The following ARK2N variants were observed in gnomAD, a reference collection of about 807,000 sequenced individuals.
The protein encoded by ARK2N is arkadia (RNF111) N-terminal like PKA signaling regulator 2N.
chr18:46,192,301 A>C, the ARK2N span, among the ~76,000 whole-genome samples: 1 of 151,986 alleles, frequency 6.6e-6, no homozygotes, highest in African/African-American at 2.4e-5. Context: ...TGGCTGGGTG[A>C]GGTGGCTCAC....
chr18:46,215,927 C>G, the ARK2N span: 1 of 1,614,062 alleles, frequency 6.2e-7, no homozygotes, highest in Non-Finnish European at 8.5e-7. Flanking sequence ...CTCATTGAGT[C>G]CGAAGCCCCA....
chr18:46,257,515 A>G, the ARK2N span, among the ~76,000 whole-genome samples: 1 of 152,134 alleles, frequency 6.6e-6, no homozygotes, highest in Admixed American at 6.5e-5. Context: ...ACTCCTGGTT[A>G]CCTAAATGTT....
At chr18:46,252,319 G>A in the ARK2N span, among the ~76,000 whole-genome samples, 1 of 151,858 alleles carries the variant, frequency 6.6e-6, no homozygotes, top group Non-Finnish European at 1.5e-5. Flanking sequence ...CTGTCGCCTG[G>A]CTCCTGGAGT....
the ARK2N span, among the ~76,000 whole-genome samples, chr18:46,210,401 A>G: frequency 2.0e-5 from 3 of 152,210 alleles, no homozygotes; most frequent in African/African-American, 7.2e-5. Context: ...CAATAGTAGT[A>G]CTATTTACTG....
the ARK2N span, chr18:46,228,783 C>A: frequency 5.0e-6 from 2 of 398,432 alleles, no homozygotes; most frequent in African/African-American, 4.1e-5. Flanking sequence ...GTTGTTCAGG[C>A]TGGCCTCAGA....
the ARK2N span, among the ~76,000 whole-genome samples, chr18:46,225,525 C>G: frequency 6.6e-4 from 101 of 152,230 alleles, no homozygotes; most frequent in African/African-American, 2.1e-3. Context: ...ATGGCGCGAT[C>G]TCGGCCCACT....
the ARK2N span, among the ~76,000 whole-genome samples, chr18:46,234,103 T>C: frequency 1.3e-5 from 2 of 152,336 alleles, no homozygotes; most frequent in South Asian, 4.1e-4. Flanking sequence ...CTTTTCAAAT[T>C]ATTCTGCATG....
At chr18:46,213,251 C>T in the ARK2N span, among the ~76,000 whole-genome samples, 2 of 151,900 alleles carry the variant, frequency 1.3e-5, no homozygotes, top group South Asian at 2.1e-4. Context: ...CCACCTGCCT[C>T]GGCCTCCCAA....
At chr18:46,186,102 C>G in the ARK2N span, among the ~76,000 whole-genome samples, 8 of 151,986 alleles carry the variant, frequency 5.3e-5, no homozygotes, top group Non-Finnish European at 1.5e-5. Flanking sequence ...GGCAAACTTT[C>G]ACAAAGAGCT....
At chr18:46,194,664 C>G in the ARK2N span, among the ~76,000 whole-genome samples, 2 of 147,584 alleles carry the variant, frequency 1.4e-5, no homozygotes, top group African/African-American at 5.0e-5. Context: ...TTAGTAGAGA[C>G]GGGGTTCCAC....
the ARK2N span, among the ~76,000 whole-genome samples, chr18:46,222,233 T>A: frequency 6.6e-6 from 1 of 152,210 alleles, no homozygotes; most frequent in African/African-American, 2.4e-5. Flanking sequence ...ATGTTAAGTT[T>A]CCTGTATCTG....
At chr18:46,194,561 CT>C in the ARK2N span, among the ~76,000 whole-genome samples, 1 of 151,802 alleles carries the variant, frequency 6.6e-6, no homozygotes, top group East Asian at 1.9e-4. Flanking sequence ...CAGCCTCCGC[CT>C]CCTGGGTTCA....
the ARK2N span, among the ~76,000 whole-genome samples, chr18:46,229,370 C>CA: frequency 1.3e-5 from 2 of 152,114 alleles, no homozygotes; most frequent in Admixed American, 1.3e-4. Context: ...TTTTTTGAGA[C>CA]AGAGTCTCGC....
chr18:46,229,101 G>A, the ARK2N span, among the ~76,000 whole-genome samples: 1 of 151,968 alleles, frequency 6.6e-6, no homozygotes, highest in Non-Finnish European at 1.5e-5. Flanking sequence ...CTGTGGTTTG[G>A]AGAGTTTAAC....
chr18:46,221,285 C>T, the ARK2N span, among the ~76,000 whole-genome samples: 1 of 151,834 alleles, frequency 6.6e-6, no homozygotes, highest in Non-Finnish European at 1.5e-5. Context: ...GTGTCTCATG[C>T]CTGTAATCCC....
chr18:46,215,907 A>G, the ARK2N span: 1 of 1,612,252 alleles, frequency 6.2e-7, no homozygotes. Context: ...CAGTGGGAAA[A>G]GTTGAAGAAC....
the ARK2N span, among the ~76,000 whole-genome samples, chr18:46,226,828 A>G: frequency 7.6e-6 from 1 of 131,242 alleles, no homozygotes. Flanking sequence ...TTTTTTTGAG[A>G]TGGAGTTTCG....
At chr18:46,185,415 G>T in the ARK2N span, among the ~76,000 whole-genome samples, 1 of 152,218 alleles carries the variant, frequency 6.6e-6, no homozygotes, top group African/African-American at 2.4e-5. Flanking sequence ...ATGTGCCACA[G>T]TCAGAAAAAT....
At chr18:46,195,174 T>G in the ARK2N span, among the ~76,000 whole-genome samples, 4 of 152,030 alleles carry the variant, frequency 2.6e-5, no homozygotes, top group African/African-American at 9.7e-5. Flanking sequence ...ACCTACTTAT[T>G]ACACAGTTTC....
Sources: allele counts gnomAD v4.1 joint callset (sites outside exome capture counted in the v4.1 genomes callset), GRCh38; gene constraint gnomAD v4.1.1; transcripts MANE v1.5; gene names NCBI Gene and HGNC (gene_info 2026-07-23, HGNC 2026-07-21).